MAP3K19: variants seen among roughly 807,000 people sequenced by gnomAD.
MAP3K19 encodes mitogen-activated protein kinase kinase kinase 19.
MAP3K19 carries 91 observed loss-of-function variants against 114.4 expected under a neutral mutation model. That is an observed-to-expected ratio of 0.80 (90% CI 0.67 to 0.95). MAP3K19 has a LOEUF of 0.95. MAP3K19 is among the 40% of genes least tolerant of loss of function. The probability of loss-of-function intolerance (pLI) is 0.00; values close to 1 mark genes in which losing one functional copy is unlikely to be tolerated. For missense variants in MAP3K19, 1,471 were observed against 1,573.2 expected, an observed-to-expected ratio of 0.94 and a Z score of 1.10; for synonymous variants, 518 against 530.5, an observed-to-expected ratio of 0.98 and a Z score of 0.32.
At chr2:135,001,724 G>C (rs990123673) in intron 6 of MAP3K19, among the ~76,000 whole-genome samples, 1 of 152,190 alleles carries the variant, frequency 6.6e-6, no homozygotes, top group South Asian at 2.1e-4. Context: ...AGAAAACTGA[G>C]TGTATTCACA....
Position 134,986,000 on chromosome 2 carries a change from C to T in MAP3K19, c.2872G>A (p.Asp958Asn). The T allele has an allele frequency of 1.2e-6, 2 of 1,613,186 alleles. No individual in the cohort carries two copies. Among genetic ancestry groups the T allele is most frequent in the Middle Eastern group, 1.7e-4 (1 of 6,060 alleles). ...GTCAATTCTTCATTATTTACAGAGT[C>T]CATAATTTCTTGGGAAATTGAATTT... ...GTNSISQEIM[D>N]SVNNEELTDE... The change falls in exon 10 of 13, where the codon GAC becomes AAC. Residue 958 changes from aspartate to asparagine, a missense_variant. Physicochemically the swap from Asp to Asn is conservative, Grantham distance 23 (BLOSUM62 1). Coordinates refer to ENST00000392915, the MANE Select transcript of MAP3K19 (RefSeq NM_025052.5).
intron 10 of MAP3K19, 52 bp downstream of exon 10, chr2:134,985,748 G>T: frequency 2.8e-6 from 4 of 1,444,374 alleles, no homozygotes; most frequent in Non-Finnish European, 3.8e-6. Context: ...GAACCAGATT[G>T]TCTCTGAGGT....
chr2:135,024,591 T>C (rs201900380), intron 4 of MAP3K19, 35 bp downstream of exon 4: 2 of 1,600,398 alleles, frequency 1.2e-6, no homozygotes, highest in East Asian at 2.2e-5. Flanking sequence ...AATTTTTGGG[T>C]TGGGAAATTA....
At chr2:134,997,038 GA>G (rs1379385259) in intron 8 of MAP3K19, among the ~76,000 whole-genome samples, 2 of 152,040 alleles carry the variant, frequency 1.3e-5, no homozygotes, top group Admixed American at 1.3e-4. Context: ...AACACAGCCG[GA>G]ATGTGTCTCA....
chr2:134,994,967 A>C (rs951658946), intron 8 of MAP3K19, among the ~76,000 whole-genome samples: 18 of 152,194 alleles, frequency 1.2e-4, no homozygotes, highest in African/African-American at 2.9e-4. Context: ...TTCTCCGTGT[A>C]CCCTTTCTCA....
intron 12 of MAP3K19, among the ~76,000 whole-genome samples, chr2:134,965,797 C>T (rs1375110336): frequency 6.6e-6 from 1 of 152,170 alleles, no homozygotes; most frequent in African/African-American, 2.4e-5. Flanking sequence ...ATTACAGTCA[C>T]CCTGCTCTGT....
At chr2:134,995,536 T>G (rs1685923226) in intron 8 of MAP3K19, among the ~76,000 whole-genome samples, 1 of 152,124 alleles carries the variant, frequency 6.6e-6, no homozygotes, top group South Asian at 2.1e-4. Flanking sequence ...ACCAACAGAT[T>G]GCCTGATATC....
chr2:135,018,290 A>G (rs866796369), intron 5 of MAP3K19, among the ~76,000 whole-genome samples: 211 of 151,582 alleles, frequency 1.4e-3, no homozygotes, highest in African/African-American at 4.9e-3. Context: ...GCAAAAAAAA[A>G]AAAAAAAAAA....
intron 3 of MAP3K19, among the ~76,000 whole-genome samples, chr2:135,028,761 A>T (rs374812927): frequency 6.6e-6 from 1 of 151,950 alleles, no homozygotes; most frequent in Admixed American, 6.6e-5. Context: ...TTCCATCTCT[A>T]TTTCACTTTA....
intron 2 of MAP3K19, among the ~76,000 whole-genome samples, chr2:135,033,674 C>T (rs1415805544): frequency 0.012 from 2 of 164 alleles, 1 homozygote; most frequent in African/African-American, 0.2. Flanking sequence ...CCCCACCCCC[C>T]GGACGGGCGG....
chr2:134,967,094 C>A (rs1280404941), intron 12 of MAP3K19, among the ~76,000 whole-genome samples: 2 of 152,168 alleles, frequency 1.3e-5, no homozygotes, highest in Non-Finnish European at 2.9e-5. Context: ...TGTATGAAAT[C>A]AAGGTTTAAG....
At chr2:134,979,467 TG>T (rs1684468585) in intron 12 of MAP3K19, among the ~76,000 whole-genome samples, 3 of 151,906 alleles carry the variant, frequency 2.0e-5, no homozygotes, top group African/African-American at 7.3e-5. Flanking sequence ...TGTGTGTGTG[TG>T]TGTGTGTGTA....
In MAP3K19 at chr2:134,987,049, T is replaced by C; in HGVS notation, c.1823A>G (p.Lys608Arg). ...GCAAGGAAATGATTGCTTTTTAGGT[T>C]TCTGAGTCCGGTGAGTTGATTGCTT... ...AKKQSTHRTQ[K>R]PKKQSFPCIC... The change falls in exon 10 of 13, where the codon AAA becomes AGA. Residue 608 changes from lysine (K) to arginine (R), a missense_variant. Physicochemically the swap from Lys to Arg is conservative, Grantham distance 26. Coordinates refer to ENST00000392915, the MANE Select transcript of MAP3K19 (RefSeq NM_025052.5). The C allele has an allele frequency of 6.2e-7, 1 of 1,612,984 alleles. No homozygotes were observed. The highest frequency in any genetic ancestry group is 8.5e-7 in the Non-Finnish European group (1 of 1,180,022).
Position 134,981,124 on chromosome 2 carries a change from C to G in MAP3K19, c.3617G>C (p.Gly1206Ala), listed in dbSNP as rs1391227981. Residue 1206 changes from glycine (G) to alanine (A), a missense_variant, in exon 12 of 13, where the codon GGC (glycine) becomes GCC (alanine). Coordinates refer to ENST00000392915, the MANE Select transcript of MAP3K19 (RefSeq NM_025052.5). ...PTGIIKLIDF[G>A]CARRLAWAGL... The stretch of plus-strand genomic sequence containing the variant: ...TGCCCAGGCCAAACGCCTGGCACAG[C>G]CAAAGTCAATCAGCTTTATTATTCC... 6.2e-7 allele frequency: 1 copy of G among 1,614,190 alleles called. No individual in the cohort carries two copies. The highest frequency in any genetic ancestry group is 2.2e-5 in the East Asian group (1 of 44,890).
chr2:135,041,529 G>A (rs571836291), intron 1 of MAP3K19, among the ~76,000 whole-genome samples: 8 of 152,026 alleles, frequency 5.3e-5, no homozygotes, highest in Non-Finnish European at 8.8e-5. Flanking sequence ...TGGTAGAGAC[G>A]AGTTGGCCAG....
intron 8 of MAP3K19, among the ~76,000 whole-genome samples, chr2:134,994,576 A>T (rs1247595503): frequency 6.6e-6 from 1 of 152,204 alleles, no homozygotes; most frequent in Non-Finnish European, 1.5e-5. Context: ...ACACACTGAA[A>T]TATGAACCCC....
rs1187957592 is a variant in MAP3K19, at chr2:134,997,817, C to CAAAAAAAAAAAAAAAAAAAAAAAAA, written c.574+920_574+921insTTTTTTTTTTTTTTTTTTTTTTTTT. ...CTGGTGACAGAGCGAGACTCCGTCT[C>CAAAAAAAAAAAAAAAAAAAAAAAAA]AAAAAAAAAAAAACTTTAAGCACTG... On this transcript the variant is annotated intron_variant, in intron 8 of 12. Transcript: ENST00000392915. Among the ~76,000 whole-genome samples the CAAAAAAAAAAAAAAAAAAAAAAAAA allele has an allele frequency of 8.2e-4, 75 of 90,988 alleles. 8 individuals are homozygous for CAAAAAAAAAAAAAAAAAAAAAAAAA. The highest frequency in any genetic ancestry group is 2.3e-3 in the South Asian group (5 of 2,154). The allele number at this position is 90,988 out of a possible 152,430, so 59.7% of individuals were successfully genotyped here.
chr2:135,019,295 A>G (rs1312346280), intron 5 of MAP3K19, among the ~76,000 whole-genome samples: 1 of 152,190 alleles, frequency 6.6e-6, no homozygotes, highest in African/African-American at 2.4e-5. Flanking sequence ...AAAAGGATGA[A>G]AAAAAGTCAA....
rs764143952 is a variant in MAP3K19, at chr2:134,986,009, C to T, written c.2863G>A (p.Glu955Lys). ...TCATTATTTACAGAGTCCATAATTT[C>T]TTGGGAAATTGAATTTGTGCCACTT... The part of the protein sequence containing the change: ...TLSGTNSISQ[E>K]IMDSVNNEEL... The change falls in exon 10 of 13, where the codon GAA becomes AAA. Residue 955 changes from glutamate (E) to lysine (K), a missense_variant. By Grantham distance (56) the Glu-to-Lys change is moderately conservative. Transcript: ENST00000392915. 3 of 1,613,054 alleles carry T rather than the reference C, an allele frequency of 1.9e-6. No individual in the cohort carries two copies. The highest frequency in any genetic ancestry group is 1.7e-5 in the Admixed American group (1 of 59,836).
Sources: allele counts gnomAD v4.1 joint callset (sites outside exome capture counted in the v4.1 genomes callset), GRCh38; gene constraint gnomAD v4.1.1; transcripts MANE v1.5; gene names NCBI Gene and HGNC (gene_info 2026-07-23, HGNC 2026-07-21).